The following KCNH1 variants were observed in gnomAD, a reference collection of about 807,000 sequenced individuals.
KCNH1 encodes the protein potassium voltage-gated channel subfamily H member 1.
Under a neutral mutation model 69.2 loss-of-function variants are expected in KCNH1, and 27 were observed. The observed-to-expected ratio is 0.39, with a 90% CI of 0.29 to 0.54. The LOEUF (loss-of-function observed/expected upper bound fraction) is 0.54, where lower values mean the gene tolerates loss of function less well. Among genes scored for constraint, KCNH1 ranks in the 20% least tolerant of loss-of-function variants. The probability of loss-of-function intolerance (pLI) is 0.68; values close to 1 mark genes in which losing one functional copy is unlikely to be tolerated. For synonymous variants in KCNH1, 456 were observed against 487.7 expected, an observed-to-expected ratio of 0.93 and a Z score of 0.86; for missense variants, 798 against 1,261.6, an observed-to-expected ratio of 0.63 and a Z score of 5.57.
chr1:210,809,119 G>T lies in KCNH1; in HGVS notation c.1463-4953C>A, dbSNP rs1436918586. Among the ~76,000 whole-genome samples the T allele has an allele frequency of 2.8e-5, 4 of 143,518 alleles. No homozygotes were observed. The East Asian group carries it at 9.2e-4, about 33-fold the overall frequency. The allele number at this position is 143,518 out of a possible 152,430, so 94.2% of individuals were successfully genotyped here. A position where few individuals can be genotyped will look rare whatever the true frequency, so the allele number is the denominator to read the frequency against. ...TACCCAGAAAGAAAGAAAGAAAAAA[G>T]ATAGTATTCTCCAGCCCTTAATTAG... On this transcript the variant is annotated intron_variant, in intron 7 of 10. Coordinates refer to ENST00000271751, the MANE Select transcript of KCNH1 (RefSeq NM_172362.3).
chr1:210,721,118 T>C (rs538743234), intron 10 of KCNH1, among the ~76,000 whole-genome samples: 9 of 152,078 alleles, frequency 5.9e-5, no homozygotes, highest in Non-Finnish European at 8.8e-5. Flanking sequence ...CACCTGGGAA[T>C]TGAGGCTAGG....
At chr1:210,945,640 C>G (rs1344022001) in intron 6 of KCNH1, among the ~76,000 whole-genome samples, 1 of 152,226 alleles carries the variant, frequency 6.6e-6, no homozygotes, top group Non-Finnish European at 1.5e-5. Context: ...TTCAGGATGT[C>G]TCCAACTTTG....
intron 5 of KCNH1, among the ~76,000 whole-genome samples, chr1:211,077,238 C>G (rs1030028353): frequency 2.0e-5 from 3 of 152,084 alleles, no homozygotes; most frequent in Non-Finnish European, 2.9e-5. Flanking sequence ...GGCCAACATT[C>G]AAATTCAGGA....
At chr1:211,118,307 C>G (rs1239614945) in intron 1 of KCNH1, among the ~76,000 whole-genome samples, 1 of 152,216 alleles carries the variant, frequency 6.6e-6, no homozygotes, top group Non-Finnish European at 1.5e-5. Context: ...TCTGAAGCAT[C>G]AAACCTGCCT....
At chr1:210,924,124 A>G (rs75139984) in intron 6 of KCNH1, among the ~76,000 whole-genome samples, 2,802 of 152,302 alleles carry the variant, frequency 0.018, 84 homozygotes, top group African/African-American at 0.064. Flanking sequence ...CTAGAGGCTA[A>G]GAGAAAGGCA....
chr1:211,003,033 TTTTGTTTGTTTG>T (rs61680039), intron 6 of KCNH1, among the ~76,000 whole-genome samples: 33 of 151,126 alleles, frequency 2.2e-4, no homozygotes, highest in Non-Finnish European at 4.0e-4. Context: ...TAAGAATGTT[TTTTGTTTGTTTG>T]TTTGTTTGTT....
At chr1:210,819,965 G>C (rs1684895496) in intron 7 of KCNH1, among the ~76,000 whole-genome samples, 1 of 152,234 alleles carries the variant, frequency 6.6e-6, no homozygotes, top group Admixed American at 6.5e-5. Flanking sequence ...TCATGTGAGG[G>C]AGCCATCTTG....
intron 7 of KCNH1, among the ~76,000 whole-genome samples, chr1:210,867,471 G>A (rs1189928343): frequency 2.0e-5 from 3 of 151,806 alleles, no homozygotes; most frequent in Non-Finnish European, 1.5e-5. Context: ...ACATGTGGCT[G>A]TGTGACCAAA....
chr1:210,916,474 C>T (rs1036171431), intron 7 of KCNH1, among the ~76,000 whole-genome samples: 3 of 152,158 alleles, frequency 2.0e-5, no homozygotes, highest in African/African-American at 7.2e-5. Context: ...GTTTCCACTG[C>T]AGAAACTGCT....
intron 6 of KCNH1, among the ~76,000 whole-genome samples, chr1:210,924,940 C>G (rs1277542105): frequency 6.6e-6 from 1 of 151,790 alleles, no homozygotes; most frequent in Non-Finnish European, 1.5e-5. Flanking sequence ...CACTCCTGCA[C>G]TCACCCAGAT....
chr1:210,872,245 T>C (rs1324562032), intron 7 of KCNH1, among the ~76,000 whole-genome samples: 2 of 151,868 alleles, frequency 1.3e-5, no homozygotes, highest in African/African-American at 4.8e-5. Flanking sequence ...TTGTTAGCTA[T>C]GATGACAATA....
Position 211,022,878 on chromosome 1 carries a change from G to A in KCNH1, c.559-3622C>T, listed in dbSNP as rs144817507. 5.3e-3 allele frequency among the ~76,000 whole-genome samples: 802 copies of A among 152,114 alleles called. 8 individuals are homozygous for A. Among genetic ancestry groups the A allele is most frequent in the African/African-American group, 0.018 (766 of 41,508 alleles). ...TGTAATACCAGTACTTTGGGAGGCCGAGGAGGGTGGATCACCTGAGGTCAG... is the reference window on the plus strand; with the variant it reads ...TGTAATACCAGTACTTTGGGAGGCCAAGGAGGGTGGATCACCTGAGGTCAG... On this transcript the variant is annotated intron_variant, in intron 5 of 10. Coordinates refer to ENST00000271751, the MANE Select transcript of KCNH1 (RefSeq NM_172362.3).
chr1:210,882,351 G>C (rs114683343), intron 7 of KCNH1, among the ~76,000 whole-genome samples: 2,877 of 152,200 alleles, frequency 0.019, 96 homozygotes, highest in African/African-American at 0.065. Context: ...ATCTGGGTGT[G>C]GGAGAAAAAA....
At chr1:211,077,808 A>G (rs1324417342) in intron 5 of KCNH1, among the ~76,000 whole-genome samples, 1 of 152,170 alleles carries the variant, frequency 6.6e-6, no homozygotes, top group Admixed American at 6.5e-5. Context: ...AAAGACACAA[A>G]ATGGCAAACT....
intron 9 of KCNH1, among the ~76,000 whole-genome samples, chr1:210,785,980 G>T (rs1684093103): frequency 6.6e-6 from 1 of 152,082 alleles, no homozygotes; most frequent in Admixed American, 6.5e-5. Flanking sequence ...CTAATATTAG[G>T]TTTATCTGGA....
chr1:211,029,347 A>AAAG, intron 5 of KCNH1, among the ~76,000 whole-genome samples: 1 of 148,308 alleles, frequency 6.7e-6, no homozygotes, highest in East Asian at 2.0e-4. Context: ...AAAAAAAAAA[A>AAAG]AAAAAAAAAA....
intron 1 of KCNH1, among the ~76,000 whole-genome samples, chr1:211,127,044 C>A (rs746480058): frequency 7.2e-5 from 11 of 152,240 alleles, no homozygotes; most frequent in Non-Finnish European, 1.5e-4. Flanking sequence ...TATAACATCC[C>A]TTAAATCTTT....
At chr1:210,922,076 T>C (rs1414762114) in intron 6 of KCNH1, among the ~76,000 whole-genome samples, 1 of 151,802 alleles carries the variant, frequency 6.6e-6, no homozygotes, top group African/African-American at 2.4e-5. Flanking sequence ...TGAGATTTAT[T>C]GCCCTTTAAA....
At chr1:210,973,596 G>A (rs1688551440) in intron 6 of KCNH1, among the ~76,000 whole-genome samples, 1 of 152,122 alleles carries the variant, frequency 6.6e-6, no homozygotes. Context: ...AAAGTCAACT[G>A]TAATTTCATT....
Sources: allele counts gnomAD v4.1 joint callset (sites outside exome capture counted in the v4.1 genomes callset), GRCh38; gene constraint gnomAD v4.1.1; transcripts MANE v1.5; gene names NCBI Gene and HGNC (gene_info 2026-07-23, HGNC 2026-07-21).